KIAA1328: variants seen among roughly 807,000 people sequenced by gnomAD.
The protein encoded by KIAA1328 is KIAA1328, also known as protein hinderin.
In KIAA1328, 52 loss-of-function variants were observed where a neutral mutation model predicts 68.1. The observed-to-expected ratio is 0.76, with a 90% CI of 0.61 to 0.96. The LOEUF (loss-of-function observed/expected upper bound fraction) is 0.96. KIAA1328 is among the 40% of genes least tolerant of loss of function. The pLI, the probability that KIAA1328 is intolerant of heterozygous loss-of-function variation, is 0.00. For synonymous variants in KIAA1328, 232 were observed against 239.4 expected, an observed-to-expected ratio of 0.97 and a Z score of 0.28; for missense variants, 641 against 677.6, an observed-to-expected ratio of 0.95 and a Z score of 0.60.
chr18:36,930,284 C>G (rs938842208), intron 5 of KIAA1328, among the ~76,000 whole-genome samples: 6 of 152,252 alleles, frequency 3.9e-5, no homozygotes, highest in East Asian at 3.9e-4. Flanking sequence ...TGTCCTGTCT[C>G]TCTCTCCTTA....
chr18:36,834,877 A>G (rs186352925), intron 2 of KIAA1328, among the ~76,000 whole-genome samples: 1 of 152,256 alleles, frequency 6.6e-6, no homozygotes, highest in East Asian at 1.9e-4. Flanking sequence ...CTTTACAAAT[A>G]TTTCAGTTAA....
At chr18:36,954,052 G>A (rs1466866886) in intron 5 of KIAA1328, among the ~76,000 whole-genome samples, 4 of 135,274 alleles carry the variant, frequency 3.0e-5, no homozygotes, top group Non-Finnish European at 4.6e-5. Flanking sequence ...CCGGACTGCG[G>A]ACTGCAGTGG....
At chr18:37,166,515 G>A (rs1254888086) in intron 8 of KIAA1328, among the ~76,000 whole-genome samples, 1 of 152,066 alleles carries the variant, frequency 6.6e-6, no homozygotes, top group Non-Finnish European at 1.5e-5. Flanking sequence ...GGTGTCCTAG[G>A]GAAGCCAAAA....
At chr18:36,873,418 C>T in intron 4 of KIAA1328, among the ~76,000 whole-genome samples, 1 of 152,160 alleles carries the variant, frequency 6.6e-6, no homozygotes, top group Non-Finnish European at 1.5e-5. Flanking sequence ...TACAACATGG[C>T]AGCTGGCTTC....
intron 9 of KIAA1328, among the ~76,000 whole-genome samples, chr18:37,194,760 A>C (rs1460366837): frequency 1.3e-5 from 2 of 152,122 alleles, no homozygotes; most frequent in Admixed American, 1.3e-4. Flanking sequence ...TCCCGGGTTC[A>C]AGCGATTTTC....
chr18:37,038,747 A>G (rs924284197), intron 6 of KIAA1328, among the ~76,000 whole-genome samples: 2 of 152,092 alleles, frequency 1.3e-5, no homozygotes, highest in South Asian at 4.1e-4. Flanking sequence ...GTTGATCAGA[A>G]GACGTAAGAA....
chr18:37,030,110 GA>G (rs1435551506), intron 6 of KIAA1328, among the ~76,000 whole-genome samples: 3 of 151,406 alleles, frequency 2.0e-5, no homozygotes, highest in Non-Finnish European at 4.4e-5. Flanking sequence ...CAATTTCATT[GA>G]TTTTTTTTAA....
intron 9 of KIAA1328, among the ~76,000 whole-genome samples, chr18:37,204,350 T>C (rs904259040): frequency 4.6e-5 from 7 of 152,222 alleles, no homozygotes; most frequent in African/African-American, 1.4e-4. Context: ...GATTACTAAG[T>C]CACGTGAACT....
intron 5 of KIAA1328, among the ~76,000 whole-genome samples, chr18:36,893,464 TTTGTGTGTGTG>T (rs2048766160): frequency 7.9e-6 from 1 of 126,508 alleles, no homozygotes; most frequent in African/African-American, 2.8e-5. Flanking sequence ...TGTGTGTGTT[TTTGTGTGTGTG>T]TGTGTGTGTG....
At chr18:37,117,833 T>A (rs1453190061) in intron 7 of KIAA1328, among the ~76,000 whole-genome samples, 1 of 150,690 alleles carries the variant, frequency 6.6e-6, no homozygotes, top group Non-Finnish European at 1.5e-5. Flanking sequence ...TCACGTTAGA[T>A]GATAGAGGGA....
At chr18:36,998,951 C>T (rs1473300980) in intron 6 of KIAA1328, among the ~76,000 whole-genome samples, 1 of 151,984 alleles carries the variant, frequency 6.6e-6, no homozygotes, top group East Asian at 1.9e-4. Context: ...TTATCAAAAT[C>T]CCAGATAAAG....
intron 6 of KIAA1328, among the ~76,000 whole-genome samples, chr18:37,021,490 C>T (rs767086510): frequency 1.4e-4 from 22 of 152,104 alleles, no homozygotes; most frequent in Non-Finnish European, 3.1e-4. Flanking sequence ...AGGAAAAATG[C>T]CCTTAGCACA....
At chr18:37,049,191 A>T (rs1159135774) in intron 6 of KIAA1328, among the ~76,000 whole-genome samples, 1 of 152,182 alleles carries the variant, frequency 6.6e-6, no homozygotes, top group Non-Finnish European at 1.5e-5. Flanking sequence ...AGAGATGTGA[A>T]AACAGCTAAC....
chr18:37,150,266 A>G (rs1410367480), intron 7 of KIAA1328, among the ~76,000 whole-genome samples: 3 of 152,182 alleles, frequency 2.0e-5, no homozygotes, highest in Non-Finnish European at 4.4e-5. Flanking sequence ...TGTTTCAATG[A>G]GATAATTATT....
At chr18:36,979,355 A>G (rs2052595329) in intron 6 of KIAA1328, among the ~76,000 whole-genome samples, 1 of 152,122 alleles carries the variant, frequency 6.6e-6, no homozygotes, top group Non-Finnish European at 1.5e-5. Flanking sequence ...AGTAAATTTA[A>G]CCATTAAATC....
intron 4 of KIAA1328, among the ~76,000 whole-genome samples, chr18:36,845,799 C>T (rs2047008607): frequency 6.6e-6 from 1 of 151,574 alleles, no homozygotes; most frequent in African/African-American, 2.4e-5. Flanking sequence ...TTGAGTGTGA[C>T]AAGGAGGCTA....
In KIAA1328 at chr18:36,931,141, G is replaced by A. The variant is rs942767464; in HGVS notation, c.449-28167G>A. On this transcript the variant is annotated intron_variant, in intron 5 of 9. Coordinates refer to ENST00000280020, the MANE Select transcript of KIAA1328 (RefSeq NM_020776.3). ...CAATCCAATGAAAAGCAAACAAACAGGCAAAAAACTCCCAAACAATAAAGA... is the reference window on the plus strand; with the variant it reads ...CAATCCAATGAAAAGCAAACAAACAAGCAAAAAACTCCCAAACAATAAAGA... Among the ~76,000 whole-genome samples, 3 of 151,970 alleles carry A rather than the reference G, an allele frequency of 2.0e-5. No homozygotes were observed. The East Asian group carries it at 5.8e-4, about 29-fold the overall frequency.
chr18:37,225,929 A>G (rs2154227967), downstream of KIAA1328, among the ~76,000 whole-genome samples: 1 of 152,304 alleles, frequency 6.6e-6, no homozygotes, highest in Admixed American at 6.5e-5. Flanking sequence ...GAAAATGAAA[A>G]TTGCTCATGG....
intron 7 of KIAA1328, among the ~76,000 whole-genome samples, chr18:37,127,138 A>G (rs2058413092): frequency 6.6e-6 from 1 of 152,220 alleles, no homozygotes; most frequent in Non-Finnish European, 1.5e-5. Context: ...TTCACATATG[A>G]TGTTATTATC....
Sources: gnomAD v4.1 joint callset for allele counts (sites outside exome capture counted in the v4.1 genomes callset) on GRCh38, gnomAD v4.1.1 for gene constraint, MANE v1.5 for transcripts, NCBI Gene and HGNC (gene_info 2026-07-23, HGNC 2026-07-21) for gene names.